Variants in DIS3L2 observed in about 807,000 individuals in gnomAD.
DIS3L2 encodes DIS3-like exonuclease 2.
Under a neutral mutation model 97.5 loss-of-function variants are expected in DIS3L2, and 34 were observed. The ratio of observed to expected loss-of-function variants is 0.35; its 90% CI spans 0.27 to 0.46. The LOEUF (loss-of-function observed/expected upper bound fraction) is 0.46. DIS3L2 is among the 20% of genes least tolerant of loss of function. The probability of loss-of-function intolerance (pLI) is 1.00; values close to 1 mark genes in which losing one functional copy is unlikely to be tolerated. For missense variants in DIS3L2, 1,038 were observed against 1,146.0 expected (o/e 0.91, Z 1.36); for synonymous variants, 435 against 445.2 (o/e 0.98, Z 0.29).
At chr2:232,186,048 C>T (rs781079227) in intron 9 of DIS3L2, among the ~76,000 whole-genome samples, 17 of 152,038 alleles carry the variant, frequency 1.1e-4, no homozygotes, top group Non-Finnish European at 2.9e-5. Context: ...CCAGGCTGTT[C>T]TTGAACTCCT....
intron 8 of DIS3L2, among the ~76,000 whole-genome samples, chr2:232,158,306 C>CATGTGTGTGTGT (rs368545845): frequency 6.7e-4 from 101 of 150,590 alleles, no homozygotes; most frequent in South Asian, 2.8e-3. Flanking sequence ...TCCTTTATAT[C>CATGTGTGTGTGT]GTGTGTGTGT....
At chr2:232,279,689 C>T (rs1156247463) in intron 13 of DIS3L2, among the ~76,000 whole-genome samples, 1 of 152,028 alleles carries the variant, frequency 6.6e-6, no homozygotes, top group Non-Finnish European at 1.5e-5. Flanking sequence ...CCACCACGCC[C>T]GGCTAATTAT....
intron 14 of DIS3L2, 28 bp from the exon 15 acceptor site, chr2:232,329,785 T>TCCCGGGGGGGGGGCCC: frequency 1.7e-5 from 16 of 967,128 alleles, no homozygotes; most frequent in Non-Finnish European, 2.0e-5. Context: ...ACCCCAGCGG[T>TCCCGGGGGGGGGGCCC]CCCTCCCATC....
At chr2:232,070,847 T>G (rs1695995991) in intron 5 of DIS3L2, among the ~76,000 whole-genome samples, 1 of 152,094 alleles carries the variant, frequency 6.6e-6, no homozygotes, top group Admixed American at 6.6e-5. Flanking sequence ...CCTCCCAAAG[T>G]GTGGAATTAC....
At chr2:232,095,014 C>A (rs755099090) in intron 6 of DIS3L2, among the ~76,000 whole-genome samples, 72 of 151,924 alleles carry the variant, frequency 4.7e-4, no homozygotes, top group Non-Finnish European at 9.4e-4. Context: ...ATATCTTTTT[C>A]CATCCCTTTA....
intron 8 of DIS3L2, among the ~76,000 whole-genome samples, chr2:232,139,325 C>T (rs1167690022): frequency 6.6e-6 from 1 of 152,214 alleles, no homozygotes; most frequent in African/African-American, 2.4e-5. Context: ...TCTCTCTGCA[C>T]AGTAGTCTTC....
At chr2:232,069,064 G>A (rs1227363614) in intron 5 of DIS3L2, among the ~76,000 whole-genome samples, 1 of 152,006 alleles carries the variant, frequency 6.6e-6, no homozygotes, top group Non-Finnish European at 1.5e-5. Flanking sequence ...TGATCTGCCC[G>A]CCTCAGCCTC....
At chr2:231,997,623 A>G (rs1476075732) in intron 1 of DIS3L2, among the ~76,000 whole-genome samples, 1 of 152,240 alleles carries the variant, frequency 6.6e-6, no homozygotes, top group South Asian at 2.1e-4. Flanking sequence ...TAATTCAGTA[A>G]AACAGGTATG....
chr2:232,148,290 A>G (rs940345427), intron 8 of DIS3L2, among the ~76,000 whole-genome samples: 2 of 151,772 alleles, frequency 1.3e-5, no homozygotes, highest in African/African-American at 2.4e-5. Flanking sequence ...TTCGTGATCC[A>G]CCCGCCTTGG....
At chr2:232,000,207 T>C (rs1321874958) in intron 1 of DIS3L2, among the ~76,000 whole-genome samples, 1 of 152,230 alleles carries the variant, frequency 6.6e-6, no homozygotes, top group East Asian at 1.9e-4. Context: ...ATTTGGATTC[T>C]TTTTAAAAAT....
In DIS3L2 at chr2:232,336,890, T is replaced by C. The variant is rs1434971496; in HGVS notation, c.*260T>C. ...CTCCTGGGAGGCTGGCCCCCCTTTT[T>C]TCTGGGCCCTACTGCCCTCCTCTGC... On this transcript the variant is annotated 3_prime_UTR_variant, in exon 21 of 21. Coordinates refer to ENST00000325385, the MANE Select transcript of DIS3L2 (RefSeq NM_152383.5). The C allele has an allele frequency of 7.7e-7, 1 of 1,305,494 alleles. No individual in the cohort carries two copies. The allele number at this position is 1,305,494 out of a possible 1,614,324, so 80.9% of individuals were successfully genotyped here. A position where few individuals can be genotyped will look rare whatever the true frequency, so the allele number is the denominator to read the frequency against.
intron 9 of DIS3L2, among the ~76,000 whole-genome samples, chr2:232,182,659 T>C (rs1468596058): frequency 6.6e-6 from 1 of 152,230 alleles, no homozygotes; most frequent in Non-Finnish European, 1.5e-5. Context: ...CTATCATTGT[T>C]ATAAAATATT....
At chr2:232,106,029 A>G (rs985914554) in intron 6 of DIS3L2, among the ~76,000 whole-genome samples, 17 of 151,852 alleles carry the variant, frequency 1.1e-4, no homozygotes, top group Non-Finnish European at 2.9e-5. Context: ...TAATGGTATC[A>G]TTTTTTCCTT....
At chr2:232,106,655 C>T (rs1697364939) in intron 6 of DIS3L2, among the ~76,000 whole-genome samples, 2 of 152,102 alleles carry the variant, frequency 1.3e-5, no homozygotes, top group South Asian at 2.1e-4. Flanking sequence ...TCAATAATAG[C>T]GAGAGACTTT....
At chr2:232,001,917 C>T (rs1250665212) in intron 1 of DIS3L2, among the ~76,000 whole-genome samples, 1 of 151,904 alleles carries the variant, frequency 6.6e-6, no homozygotes, top group Non-Finnish European at 1.5e-5. Flanking sequence ...AACAGGGTTT[C>T]ACCATATTGG....
chr2:232,020,332 C>T (rs1694479424), intron 3 of DIS3L2, among the ~76,000 whole-genome samples: 1 of 151,966 alleles, frequency 6.6e-6, no homozygotes, highest in Admixed American at 6.6e-5. Flanking sequence ...AGGAAGGTAT[C>T]AAAGTAAACC....
intron 6 of DIS3L2, among the ~76,000 whole-genome samples, chr2:232,101,343 T>C (rs1327023660): frequency 6.6e-6 from 1 of 152,252 alleles, no homozygotes; most frequent in East Asian, 1.9e-4. Context: ...TAGCTTGATA[T>C]ATTTTGAAGT....
intron 5 of DIS3L2, among the ~76,000 whole-genome samples, chr2:232,079,529 G>A (rs1362164591): frequency 6.6e-6 from 1 of 150,444 alleles, no homozygotes; most frequent in Non-Finnish European, 1.5e-5. Context: ...GAACCGGGGA[G>A]GCGGAGCTTG....
At chr2:232,141,806 A>G (rs922895073) in intron 8 of DIS3L2, among the ~76,000 whole-genome samples, 2 of 152,192 alleles carry the variant, frequency 1.3e-5, no homozygotes, top group Non-Finnish European at 2.9e-5. Flanking sequence ...TGACCCATGG[A>G]AGCAAATACT....
Sources: allele counts gnomAD v4.1 joint callset (sites outside exome capture counted in the v4.1 genomes callset), GRCh38; gene constraint gnomAD v4.1.1; transcripts MANE v1.5; gene names NCBI Gene and HGNC (gene_info 2026-07-23, HGNC 2026-07-21).